Variants in INPP5D observed in about 807,000 individuals in gnomAD.
INPP5D encodes inositol polyphosphate-5-phosphatase D, also known as phosphatidylinositol 3,4,5-trisphosphate 5-phosphatase 1.
In INPP5D, 33 loss-of-function variants were observed where a neutral mutation model predicts 122.9. That is an observed-to-expected ratio of 0.27 (90% confidence interval 0.20 to 0.36). INPP5D has a LOEUF of 0.36. Ranked by LOEUF, INPP5D falls within the 10% of genes least tolerant of loss-of-function variation. The pLI, the probability that INPP5D is intolerant of heterozygous loss-of-function variation, is 1.00. For missense variants in INPP5D, 1,053 were observed against 1,412.7 expected (o/e 0.75, Z 4.08); for synonymous variants, 584 against 576.2 (o/e 1.01, Z -0.19).
intron 9 of INPP5D, among the ~76,000 whole-genome samples, chr2:233,157,749 AT>A (rs36156693): frequency 0.4 from 56,422 of 141,382 alleles, 11,204 homozygotes; most frequent in East Asian, 0.79. Flanking sequence ...TAATCTAAGC[AT>A]TTTTTTTTTT....
Position 233,188,132 on chromosome 2 carries a change from G to A in INPP5D, c.2359-1718G>A, listed in dbSNP as rs1694966089. On this transcript the variant is annotated intron_variant, in intron 21 of 26. Coordinates refer to ENST00000445964, the MANE Select transcript of INPP5D (RefSeq NM_001017915.3). This position sits in a 1 kb window ranked among gnomAD's most constrained non-coding sequence, Gnocchi z 4.7. ...TTTCTGGAATGCCTCTCTGATCCTG[G>A]AGTCCCCCTCTTTATCCGGTCGACT... 6.6e-6 allele frequency among the ~76,000 whole-genome samples: 1 copy of A among 151,904 alleles called. No individual in the cohort carries two copies. Among genetic ancestry groups the A allele is most frequent in the South Asian group, 2.1e-4 (1 of 4,818 alleles).
chr2:233,167,108 A>G (rs956953213), intron 13 of INPP5D, among the ~76,000 whole-genome samples: 1 of 151,372 alleles, frequency 6.6e-6, no homozygotes, highest in Non-Finnish European at 1.5e-5. Context: ...ACGATGGCTC[A>G]TGCCTATAAT....
chr2:233,116,576 C>T (rs1185341911), intron 2 of INPP5D, among the ~76,000 whole-genome samples: 1 of 150,542 alleles, frequency 6.6e-6, no homozygotes, highest in Non-Finnish European at 1.5e-5. Flanking sequence ...GCGTGTGCCA[C>T]CATGTCTGAC....
chr2:233,198,209 CCAG>C lies in INPP5D; in HGVS notation c.2813_2815del (p.Gln938del), dbSNP rs761344735. On this transcript the variant is annotated inframe_deletion, in exon 25 of 27. Transcript: ENST00000445964. Reference sequence around the variant, plus strand: ...ACGTGAAGCAGACCTTGTCCCCTGACCAGCAGCCCACAGCCTGGAGCTACGACC... The same window carrying C: ...ACGTGAAGCAGACCTTGTCCCCTGACCAGCCCACAGCCTGGAGCTACGACC... 6.2e-7 allele frequency: 1 copy of C among 1,613,704 alleles called. No homozygotes were observed. Among genetic ancestry groups the C allele is most frequent in the Non-Finnish European group, 8.5e-7 (1 of 1,179,892 alleles).
chr2:233,107,269 T>C (rs373038561), intron 2 of INPP5D, among the ~76,000 whole-genome samples: 14 of 151,568 alleles, frequency 9.2e-5, no homozygotes, highest in Admixed American at 2.6e-4. Flanking sequence ...AGCTGTGGAG[T>C]GTAAATTACA....
At chr2:233,145,419 C>A in intron 6 of INPP5D, 2 of 440,804 alleles carry the variant, frequency 4.5e-6, no homozygotes, top group Non-Finnish European at 9.2e-6. Context: ...ACGGAGCCTC[C>A]ATTCAGCAGG....
intron 4 of INPP5D, 56 bp from the exon 5 acceptor site, chr2:233,130,452 G>A: frequency 3.2e-6 from 5 of 1,583,962 alleles, no homozygotes; most frequent in South Asian, 1.1e-5. Flanking sequence ...TCCCATTGGT[G>A]ATGGTGGCTA....
rs553350023 is a variant in INPP5D, at chr2:233,100,419, C to G, written c.198+21021C>G. Among the ~76,000 whole-genome samples, 45 of 152,294 alleles carry G rather than the reference C, an allele frequency of 3.0e-4. 1 individual carries two copies. Among genetic ancestry groups the G allele is most frequent in the African/African-American group, 1.1e-3 (45 of 41,552 alleles). On this transcript the variant is annotated intron_variant, in intron 2 of 26. Coordinates refer to ENST00000445964, the MANE Select transcript of INPP5D (RefSeq NM_001017915.3). This position sits in a 1 kb window ranked among gnomAD's most constrained non-coding sequence, Gnocchi z 5.3. ...GCTTTGCCTCTCCTCACAGATCATG[C>G]TGTTAGTAATCTCATCTAGCCTCTT...
chr2:233,141,093 G>A (rs1462847452), intron 6 of INPP5D: 1 of 152,164 alleles, frequency 6.6e-6, no homozygotes, highest in Non-Finnish European at 1.5e-5. Context: ...TGGGGTGGAG[G>A]AGGTGCTCAC....
chr2:233,202,169 C>A (rs1695357291), intron 25 of INPP5D, among the ~76,000 whole-genome samples: 1 of 152,166 alleles, frequency 6.6e-6, no homozygotes, highest in African/African-American at 2.4e-5. Flanking sequence ...CCCCTCCTCC[C>A]ATCTCAGCCC....
intron 2 of INPP5D, among the ~76,000 whole-genome samples, chr2:233,104,318 T>A (rs1346132589): frequency 6.6e-6 from 1 of 152,178 alleles, no homozygotes; most frequent in Non-Finnish European, 1.5e-5. Context: ...AGTGAAGCTG[T>A]TTGAGTACTC....
rs147141729 is a variant in INPP5D at position 233,071,551 on chromosome 2, C to A, written c.135-7784C>A. On this transcript the variant is annotated intron_variant, in intron 1 of 26. Transcript: ENST00000445964. ...ATATCTATTCTTCCAGGTGAACCAG[C>A]TAATAATATTGCCAAGTTGGAGAAA... Among the ~76,000 whole-genome samples, 326 of 152,194 alleles carry A rather than the reference C, an allele frequency of 2.1e-3. 5 individuals carry two copies. The highest frequency in any genetic ancestry group is 0.016 in the East Asian group (84 of 5,184).
chr2:233,172,198 G>A (rs1351442300), intron 17 of INPP5D, among the ~76,000 whole-genome samples: 1 of 152,234 alleles, frequency 6.6e-6, no homozygotes, highest in Non-Finnish European at 1.5e-5. Context: ...GTCAGAGCAG[G>A]TCCTTGGGGA....
chr2:233,186,122 G>A (rs1694907945), intron 21 of INPP5D, among the ~76,000 whole-genome samples, 197 bp downstream of exon 21: 1 of 152,140 alleles, frequency 6.6e-6, no homozygotes, highest in Non-Finnish European at 1.5e-5. Flanking sequence ...GTGGGTATGT[G>A]GCCTTATTAT....
In INPP5D at chr2:233,187,677, A is replaced by G. The variant is rs187951782; in HGVS notation, c.2358+1752A>G. On this transcript the variant is annotated intron_variant, in intron 21 of 26. Coordinates refer to ENST00000445964, the MANE Select transcript of INPP5D (RefSeq NM_001017915.3). ...TACTCAGAGGCTGCGGCCAGCTCAC[A>G]TGGCTCTGACTGGGGTCTCCCACTG... Among the ~76,000 whole-genome samples, 784 of 152,322 alleles carry G rather than the reference A, an allele frequency of 5.1e-3. 2 individuals are homozygous for G. Among genetic ancestry groups the G allele is most frequent in the South Asian group, 8.5e-3 (41 of 4,826 alleles).
chr2:233,069,424 C>A (rs1019778139), intron 1 of INPP5D, among the ~76,000 whole-genome samples: 3 of 152,236 alleles, frequency 2.0e-5, no homozygotes, highest in Non-Finnish European at 4.4e-5. Flanking sequence ...CACCCCATCA[C>A]TGAGACACTA....
intron 2 of INPP5D, among the ~76,000 whole-genome samples, chr2:233,081,830 G>C (rs990750723): frequency 2.0e-5 from 3 of 152,180 alleles, no homozygotes; most frequent in Admixed American, 2.0e-4. Flanking sequence ...TTCCCAGCCA[G>C]CAGCCTCCCT....
chr2:233,099,957 G>C (rs1391369155), intron 2 of INPP5D, among the ~76,000 whole-genome samples: 1 of 152,174 alleles, frequency 6.6e-6, no homozygotes, highest in African/African-American at 2.4e-5. Context: ...AGAAGAATGA[G>C]CTTGTGCAGT....
rs1162517294 is a variant in INPP5D, at chr2:233,160,517, C to G, written c.1138-1207C>G. Among the ~76,000 whole-genome samples the G allele has an allele frequency of 6.6e-6, 1 of 152,218 alleles. No homozygotes were observed. The highest frequency in any genetic ancestry group is 6.5e-5 in the Admixed American group (1 of 15,288). ...TTGGTGAAGACGTGGCAAACACAAA[C>G]AAGCAAATGTTTAAAATAAAAACAC... On this transcript the variant is annotated intron_variant, in intron 10 of 26. Transcript: ENST00000445964. The surrounding 1 kb of genome is among the most constrained non-coding windows in gnomAD (Gnocchi z 4.2).
Sources: gnomAD v4.1 joint callset for allele counts (sites outside exome capture counted in the v4.1 genomes callset) on GRCh38, gnomAD v4.1.1 for gene constraint, Gnocchi (gnomAD v3.1) non-coding constraint, MANE v1.5 for transcripts, NCBI Gene and HGNC (gene_info 2026-07-23, HGNC 2026-07-21) for gene names.